SNTG1: variants seen among roughly 807,000 people sequenced by gnomAD.
The protein encoded by SNTG1 is gamma-1-syntrophin.
A neutral mutation model predicts 74.7 loss-of-function variants in SNTG1; 39 were observed. The ratio of observed to expected loss-of-function variants is 0.52; its 90% confidence interval spans 0.40 to 0.68. SNTG1 has a LOEUF of 0.68. Among genes scored for constraint, SNTG1 ranks in the 30% least tolerant of loss-of-function variants. The pLI is 0.00. For missense variants in SNTG1, 685 were observed against 609.5 expected, an observed-to-expected ratio of 1.12 and a Z score of -1.30; for synonymous variants, 254 against 217.1, an observed-to-expected ratio of 1.17 and a Z score of -1.49.
chr8:49,934,239 T>C (rs1410791183), intron 1 of SNTG1, among the ~76,000 whole-genome samples: 1 of 152,042 alleles, frequency 6.6e-6, no homozygotes, highest in African/African-American at 2.4e-5. Flanking sequence ...CAAGCATCTT[T>C]CCTGGCCATG....
intron 15 of SNTG1, among the ~76,000 whole-genome samples, chr8:50,667,887 C>T (rs1486109665): frequency 1.3e-5 from 2 of 151,978 alleles, no homozygotes; most frequent in Non-Finnish European, 2.9e-5. Context: ...TCTTCCTAAG[C>T]TACAAGCTTC....
chr8:50,297,419 AT>A lies in SNTG1; in HGVS notation c.-27-96785del, dbSNP rs756726175. On this transcript the variant is annotated intron_variant, in intron 2 of 18. Coordinates refer to ENST00000642720, the MANE Select transcript of SNTG1 (RefSeq NM_018967.5). The stretch of plus-strand genomic sequence containing the variant: ...TAGATCTTAGCAACCCCAGCACACA[AT>A]TTTTTTTCTTTTCCTTATTGAGTCA... Among the ~76,000 whole-genome samples, 18 of 151,994 alleles carry A rather than the reference AT, an allele frequency of 1.2e-4. No individual in the cohort carries two copies. In the East Asian group the frequency reaches 3.3e-3, roughly 28 times the overall value.
intron 1 of SNTG1, among the ~76,000 whole-genome samples, chr8:49,992,496 T>C (rs1813785655): frequency 2.0e-5 from 3 of 152,184 alleles, no homozygotes; most frequent in African/African-American, 4.8e-5. Flanking sequence ...AACTTTTCTA[T>C]TATTAGAGAC....
intron 2 of SNTG1, among the ~76,000 whole-genome samples, chr8:50,285,951 T>C (rs1427504936): frequency 2.0e-5 from 3 of 151,868 alleles, no homozygotes; most frequent in Non-Finnish European, 4.4e-5. Flanking sequence ...TGCTACTTTA[T>C]TTCTTTTTCT....
intron 17 of SNTG1, among the ~76,000 whole-genome samples, chr8:50,725,858 A>C (rs1204583153): frequency 1.3e-5 from 2 of 152,240 alleles, no homozygotes; most frequent in Non-Finnish European, 2.9e-5. Flanking sequence ...ACCACCAAAA[A>C]CAAAGCCTTG....
At chr8:50,417,152 A>G (rs1020160589) in intron 4 of SNTG1, among the ~76,000 whole-genome samples, 4 of 152,164 alleles carry the variant, frequency 2.6e-5, no homozygotes, top group Non-Finnish European at 5.9e-5. Context: ...TTGAACCGCC[A>G]TGATATACAC....
At chr8:50,055,298 T>G (rs148723468) in intron 1 of SNTG1, among the ~76,000 whole-genome samples, 1 of 152,254 alleles carries the variant, frequency 6.6e-6, no homozygotes, top group African/African-American at 2.4e-5. Context: ...TACTCCTGTA[T>G]ACATTGCTAC....
chr8:50,601,539 A>G (rs913215765), intron 13 of SNTG1, among the ~76,000 whole-genome samples: 5 of 152,280 alleles, frequency 3.3e-5, no homozygotes, highest in Admixed American at 1.3e-4. Flanking sequence ...TTGTTAGCTG[A>G]CATATGGTAT....
intron 13 of SNTG1, among the ~76,000 whole-genome samples, chr8:50,630,382 A>G (rs1038467518): frequency 3.9e-5 from 6 of 152,196 alleles, no homozygotes; most frequent in African/African-American, 1.4e-4. Flanking sequence ...GCCATGTGTG[A>G]TAAAGGCAGC....
intron 2 of SNTG1, among the ~76,000 whole-genome samples, chr8:50,386,977 G>C (rs2092585120): frequency 6.6e-6 from 1 of 152,082 alleles, no homozygotes; most frequent in Admixed American, 6.6e-5. Context: ...ACTCTATTCT[G>C]GTGATTCATA....
intron 2 of SNTG1, among the ~76,000 whole-genome samples, chr8:50,231,716 CTG>C (rs2085638235): frequency 6.6e-6 from 1 of 151,136 alleles, no homozygotes; most frequent in Non-Finnish European, 1.5e-5. Flanking sequence ...AGGCTGGGGA[CTG>C]GGGAGAATGG....
At chr8:50,790,242 T>G (rs933781129) in intron 18 of SNTG1, among the ~76,000 whole-genome samples, 16 of 152,008 alleles carry the variant, frequency 1.1e-4, no homozygotes, top group East Asian at 3.9e-4. Context: ...CAGGACTGTT[T>G]TGTTCCTTTG....
intron 13 of SNTG1, among the ~76,000 whole-genome samples, chr8:50,621,063 C>T (rs963959656): frequency 6.9e-6 from 1 of 145,362 alleles, no homozygotes; most frequent in African/African-American, 2.5e-5. Context: ...AAAGAGATAA[C>T]TTTTTTTTTT....
intron 2 of SNTG1, among the ~76,000 whole-genome samples, chr8:50,211,899 T>C (rs956534481): frequency 3.3e-5 from 5 of 152,090 alleles, no homozygotes; most frequent in South Asian, 2.1e-4. Flanking sequence ...GAGAGATCAA[T>C]AGAATTTTTC....
chr8:50,361,274 T>A (rs2091949126), intron 2 of SNTG1, among the ~76,000 whole-genome samples: 1 of 152,172 alleles, frequency 6.6e-6, no homozygotes, highest in South Asian at 2.1e-4. Context: ...TCAGGGGCAT[T>A]AACAGCCATG....
chr8:50,318,080 C>T (rs552514759), intron 2 of SNTG1, among the ~76,000 whole-genome samples: 119 of 152,220 alleles, frequency 7.8e-4, no homozygotes, highest in Non-Finnish European at 1.5e-3. Context: ...TCGTGATCCG[C>T]CCGCCTTGAC....
chr8:50,299,187 G>T (rs867140976), intron 2 of SNTG1, among the ~76,000 whole-genome samples: 8 of 151,736 alleles, frequency 5.3e-5, no homozygotes, highest in Middle Eastern at 6.9e-3. Context: ...ATGAGAAAGA[G>T]AAATACCAAA....
intron 4 of SNTG1, among the ~76,000 whole-genome samples, chr8:50,411,794 AG>A (rs745878735): frequency 6.6e-6 from 1 of 152,172 alleles, no homozygotes; most frequent in South Asian, 2.1e-4. Flanking sequence ...CAGCCCTGGA[AG>A]AAAAGATTAT....
chr8:50,159,650 A>T (rs561430002), intron 1 of SNTG1, among the ~76,000 whole-genome samples: 48 of 152,326 alleles, frequency 3.2e-4, no homozygotes, highest in African/African-American at 1.2e-3. Context: ...AGGAAATAAA[A>T]TAGTAGTCAT....
Sources: allele counts gnomAD v4.1 joint callset (sites outside exome capture counted in the v4.1 genomes callset), GRCh38; gene constraint gnomAD v4.1.1; transcripts MANE v1.5; gene names NCBI Gene and HGNC (gene_info 2026-07-23, HGNC 2026-07-21).